The following ANKS1B variants were observed in gnomAD, a reference collection of about 807,000 sequenced individuals.
The protein encoded by ANKS1B is ankyrin repeat and sterile alpha motif domain containing 1B.
A neutral mutation model predicts 148.3 loss-of-function variants in ANKS1B; 36 were observed. That is an observed-to-expected ratio of 0.24 (90% confidence interval 0.19 to 0.32). The LOEUF is 0.32. ANKS1B is among the 10% of genes least tolerant of loss of function. ANKS1B has a pLI of 1.00. For synonymous variants in ANKS1B, 542 were observed against 560.8 expected, an observed-to-expected ratio of 0.97 and a Z score of 0.47; for missense variants, 1,157 against 1,542.6, an observed-to-expected ratio of 0.75 and a Z score of 4.19.
At chr12:99,464,442 G>T (rs2096059669) in intron 10 of ANKS1B, among the ~76,000 whole-genome samples, 1 of 152,222 alleles carries the variant, frequency 6.6e-6, no homozygotes, top group African/African-American at 2.4e-5. Context: ...GCTGGACGGA[G>T]AATGACTTTG....
At chr12:99,402,491 C>T (rs2094431712) in intron 11 of ANKS1B, among the ~76,000 whole-genome samples, 1 of 145,202 alleles carries the variant, frequency 6.9e-6, no homozygotes, top group Admixed American at 6.8e-5. Context: ...ATCTGATAGG[C>T]CCCAGTGTGT....
At chr12:99,784,704 T>C (rs999562491) in intron 4 of ANKS1B, among the ~76,000 whole-genome samples, 2 of 152,338 alleles carry the variant, frequency 1.3e-5, no homozygotes, top group Non-Finnish European at 2.9e-5. Flanking sequence ...GATTAGGCCA[T>C]AGAATTTCCA....
chr12:98,894,931 C>A (rs1270764776), intron 17 of ANKS1B: 2 of 903,128 alleles, frequency 2.2e-6, no homozygotes, highest in Non-Finnish European at 2.6e-6. Context: ...TGCCCCCCAC[C>A]CCCCGCCGCG....
intron 15 of ANKS1B, among the ~76,000 whole-genome samples, chr12:99,089,312 C>T (rs2053231672): frequency 6.6e-6 from 1 of 152,096 alleles, no homozygotes; most frequent in African/African-American, 2.4e-5. Context: ...TTTCATCTCC[C>T]ATTTTCCTCC....
intron 9 of ANKS1B, among the ~76,000 whole-genome samples, chr12:99,554,612 C>A (rs1194659760): frequency 6.6e-6 from 1 of 152,172 alleles, no homozygotes; most frequent in African/African-American, 2.4e-5. Flanking sequence ...CTGCACTAAC[C>A]ATAATCCATG....
At chr12:98,990,543 G>C (rs1027673033) in intron 17 of ANKS1B, among the ~76,000 whole-genome samples, 1 of 145,824 alleles carries the variant, frequency 6.9e-6, no homozygotes, top group African/African-American at 2.6e-5. Context: ...CAAGAGTCAG[G>C]ATGATAAAGA....
At chr12:99,177,650 G>T (rs2078571618) in intron 14 of ANKS1B, among the ~76,000 whole-genome samples, 1 of 152,174 alleles carries the variant, frequency 6.6e-6, no homozygotes, top group African/African-American at 2.4e-5. Context: ...ATTACCCTTG[G>T]CCTCCTTAAT....
Position 98,744,209 on chromosome 12 carries a change from G to A in ANKS1B, c.*1530C>T, listed in dbSNP as rs1007268180. 9.5e-5 allele frequency: 92 copies of A among 968,568 alleles called. No homozygotes were observed. The highest frequency in any genetic ancestry group is 1.1e-4 in the Non-Finnish European group (87 of 814,428). The allele number at this position is 968,568 out of a possible 1,614,324, so 60.0% of individuals were successfully genotyped here. Reference sequence around the variant, plus strand: ...CAGTGAATAGGCAAAATATATACAAGGAACTGTTCAGTTCAAGTAATTTAA... The same window carrying A: ...CAGTGAATAGGCAAAATATATACAAAGAACTGTTCAGTTCAAGTAATTTAA... On this transcript the variant is annotated 3_prime_UTR_variant, in exon 27 of 27. Coordinates refer to ENST00000683438, the MANE Select transcript of ANKS1B (RefSeq NM_001352186.2).
At chr12:99,832,480 T>C (rs2084169446) in intron 1 of ANKS1B, among the ~76,000 whole-genome samples, 2 of 151,802 alleles carry the variant, frequency 1.3e-5, no homozygotes, top group Non-Finnish European at 1.5e-5. Context: ...TCCCAGCACT[T>C]TGGGAGGCCG....
chr12:99,509,416 A>G (rs911393211), intron 9 of ANKS1B, among the ~76,000 whole-genome samples: 6 of 152,004 alleles, frequency 3.9e-5, no homozygotes, highest in Non-Finnish European at 7.4e-5. Context: ...GTGCTACTCC[A>G]GTGAACACAC....
chr12:99,316,721 G>A (rs1178480237), intron 12 of ANKS1B, among the ~76,000 whole-genome samples: 1 of 152,138 alleles, frequency 6.6e-6, no homozygotes, highest in Non-Finnish European at 1.5e-5. Context: ...TGCTTTTGGT[G>A]TTTTAGTCAT....
intron 9 of ANKS1B, among the ~76,000 whole-genome samples, chr12:99,604,414 G>T (rs2097833714): frequency 6.6e-6 from 1 of 151,980 alleles, no homozygotes; most frequent in South Asian, 2.1e-4. Context: ...GGGTCAAAAA[G>T]ACTTAATTTA....
At chr12:98,988,682 T>C (rs1198351904) in intron 17 of ANKS1B, among the ~76,000 whole-genome samples, 1 of 152,218 alleles carries the variant, frequency 6.6e-6, no homozygotes, top group African/African-American at 2.4e-5. Context: ...ACCTCCATAC[T>C]GTTTTCCATG....
At chr12:99,752,546 T>C (rs1374318788) in intron 8 of ANKS1B, among the ~76,000 whole-genome samples, 2 of 152,028 alleles carry the variant, frequency 1.3e-5, no homozygotes, top group African/African-American at 2.4e-5. Context: ...TAAGAGACTA[T>C]CATTTTAGTT....
chr12:98,860,236 T>C (rs552228891), intron 17 of ANKS1B, among the ~76,000 whole-genome samples: 668 of 152,374 alleles, frequency 4.4e-3, no homozygotes, highest in Non-Finnish European at 6.6e-3. Context: ...ATATATTCTA[T>C]GAACAAAGGA....
chr12:99,951,012 T>C (rs965780710), intron 1 of ANKS1B, among the ~76,000 whole-genome samples: 2 of 152,330 alleles, frequency 1.3e-5, no homozygotes, highest in East Asian at 1.9e-4. Context: ...TTCAGCCGGA[T>C]AGAGAAATCT....
At chr12:99,161,984 T>A (rs1262483591) in intron 14 of ANKS1B, among the ~76,000 whole-genome samples, 1 of 151,984 alleles carries the variant, frequency 6.6e-6, no homozygotes, top group East Asian at 1.9e-4. Flanking sequence ...GACTATTACT[T>A]GACAATAAAA....
intron 1 of ANKS1B, among the ~76,000 whole-genome samples, chr12:99,980,659 T>C (rs2095687852): frequency 6.6e-6 from 1 of 152,042 alleles, no homozygotes; most frequent in Non-Finnish European, 1.5e-5. Flanking sequence ...GAGAAAAGTA[T>C]GAAAACTAAG....
chr12:99,938,226 C>T (rs1045812445), intron 1 of ANKS1B, among the ~76,000 whole-genome samples: 10 of 152,140 alleles, frequency 6.6e-5, no homozygotes, highest in South Asian at 2.1e-4. Context: ...AACTGCAGGA[C>T]GATTCTAGTT....
Sources: allele counts gnomAD v4.1 joint callset (sites outside exome capture counted in the v4.1 genomes callset), GRCh38; gene constraint gnomAD v4.1.1; transcripts MANE v1.5; gene names NCBI Gene and HGNC (gene_info 2026-07-23, HGNC 2026-07-21).